EVA1A: variants seen among roughly 807,000 people sequenced by gnomAD.
EVA1A encodes the protein eva-1 homolog A, regulator of programmed cell death.
A neutral mutation model predicts 9.8 loss-of-function variants in EVA1A; 7 were observed. The ratio of observed to expected loss-of-function variants is 0.71; its 90% CI spans 0.41 to 1.34. The LOEUF is 1.34. Ranked by LOEUF, EVA1A falls within the 40% of genes most tolerant of loss-of-function variation. The pLI, the probability that EVA1A is intolerant of heterozygous loss-of-function variation, is 0.01. For synonymous variants in EVA1A, 90 were observed against 85.6 expected (o/e 1.05, Z -0.28); for missense variants, 206 against 205.9 (o/e 1.00, Z 0.00).
At chr2:75,497,012 T>A (rs1655611334) in intron 3 of EVA1A, among the ~76,000 whole-genome samples, 1 of 152,170 alleles carries the variant, frequency 6.6e-6, no homozygotes, top group African/African-American at 2.4e-5. Context: ...GGACTCCTTC[T>A]TTTTACCTTA....
intron 1 of EVA1A, among the ~76,000 whole-genome samples, chr2:75,553,627 A>G (rs951738625): frequency 2.0e-5 from 3 of 152,174 alleles, no homozygotes; most frequent in African/African-American, 4.8e-5. Context: ...TGTCTCTGTG[A>G]GCACATTAGC....
At chr2:75,535,007 C>G (rs1271249703) in intron 1 of EVA1A, among the ~76,000 whole-genome samples, 2 of 152,006 alleles carry the variant, frequency 1.3e-5, no homozygotes, top group Non-Finnish European at 2.9e-5. Flanking sequence ...AATAGGGTAT[C>G]CTTTCCCTAG....
At chr2:75,505,727 T>G (rs1337354382) in intron 3 of EVA1A, among the ~76,000 whole-genome samples, 3 of 151,418 alleles carry the variant, frequency 2.0e-5, no homozygotes, top group East Asian at 1.9e-4. Flanking sequence ...GGCAGAAGAG[T>G]CACTTGAACC....
intron 1 of EVA1A, among the ~76,000 whole-genome samples, chr2:75,544,125 C>T (rs746792978): frequency 1.2e-4 from 18 of 152,170 alleles, no homozygotes; most frequent in Non-Finnish European, 2.5e-4. Flanking sequence ...TATGTTTGAA[C>T]ACATGTAGAT....
At chr2:75,538,965 C>G (rs1011789093) in intron 1 of EVA1A, among the ~76,000 whole-genome samples, 1 of 152,150 alleles carries the variant, frequency 6.6e-6, no homozygotes, top group Non-Finnish European at 1.5e-5. Context: ...TATTGTAGCA[C>G]AGTTTTGCAC....
At chr2:75,541,508 G>A (rs1676117324) in intron 1 of EVA1A, among the ~76,000 whole-genome samples, 1 of 152,170 alleles carries the variant, frequency 6.6e-6, no homozygotes, top group Non-Finnish European at 1.5e-5. Context: ...CATGGGGTCA[G>A]GGAGACCTGC....
At chr2:75,533,681 A>T (rs1675762042) in intron 1 of EVA1A, among the ~76,000 whole-genome samples, 1 of 152,064 alleles carries the variant, frequency 6.6e-6, no homozygotes, top group Admixed American at 6.6e-5. Flanking sequence ...TCACACCTGT[A>T]ATCCCAGCGA....
intron 1 of EVA1A, among the ~76,000 whole-genome samples, chr2:75,525,457 T>C (rs572413593): frequency 1.3e-5 from 2 of 152,332 alleles, no homozygotes; most frequent in East Asian, 1.9e-4. Context: ...CAAAGCATTG[T>C]TGGTAAGGTG....
At position 75,517,860 on chromosome 2, in the gene EVA1A, A is replaced by G. The variant is rs565595354; in HGVS notation, c.85+196T>C. 2.8e-4 allele frequency: 214 copies of G among 751,528 alleles called. 4 individuals are homozygous for G. In the South Asian group the frequency reaches 3.0e-3, roughly 10 times the overall value. 46.6% of individuals were successfully genotyped at this position (751,528 alleles called of 1,614,324 possible). ...CAAGACAAAGCTCTTAGAACCCTTC[A>G]TTTTTCAAATTAGAGAATGACAAGC... is the stretch of plus-strand genomic sequence containing the variant. On this transcript the variant is annotated intron_variant, in intron 3 of 3. Transcript: ENST00000393913.
chr2:75,554,953 G>C (rs1391352609), intron 1 of EVA1A, among the ~76,000 whole-genome samples: 2 of 152,174 alleles, frequency 1.3e-5, no homozygotes, highest in Non-Finnish European at 2.9e-5. Context: ...TTCAGACCAT[G>C]AGCATCTTGA....
At chr2:75,529,621 A>T (rs544233068) in intron 1 of EVA1A, among the ~76,000 whole-genome samples, 1 of 152,332 alleles carries the variant, frequency 6.6e-6, no homozygotes, top group East Asian at 1.9e-4. Context: ...AAATATATGG[A>T]AATTAAGTAA....
At chr2:75,528,600 C>A (rs765277685) in intron 1 of EVA1A, among the ~76,000 whole-genome samples, 2 of 152,292 alleles carry the variant, frequency 1.3e-5, no homozygotes, top group East Asian at 1.9e-4. Context: ...CCCGTCCCCC[C>A]AGGTGGTCTC....
chr2:75,494,316 G>A (rs1235258906), intron 3 of EVA1A, among the ~76,000 whole-genome samples: 3 of 152,162 alleles, frequency 2.0e-5, no homozygotes, highest in Admixed American at 6.5e-5. Flanking sequence ...ATGCATGCAC[G>A]GACTGGGGTA....
chr2:75,500,802 C>T (rs146244616), intron 3 of EVA1A, among the ~76,000 whole-genome samples: 3 of 151,456 alleles, frequency 2.0e-5, no homozygotes, highest in East Asian at 3.9e-4. Context: ...TGCCCAATGC[C>T]CAGAGTCATT....
intron 1 of EVA1A, among the ~76,000 whole-genome samples, chr2:75,568,567 A>G (rs940989967): frequency 3.9e-5 from 6 of 152,120 alleles, no homozygotes; most frequent in Admixed American, 6.6e-5. Context: ...TCACCCGGGC[A>G]GTATACGCTG....
intron 3 of EVA1A, among the ~76,000 whole-genome samples, chr2:75,497,329 T>G (rs967772712): frequency 6.6e-6 from 1 of 152,044 alleles, no homozygotes; most frequent in African/African-American, 2.4e-5. Flanking sequence ...TTAAAAAAAT[T>G]GAGTAAGCAA....
chr2:75,553,277 C>G (rs1676587967), intron 1 of EVA1A, among the ~76,000 whole-genome samples: 1 of 152,348 alleles, frequency 6.6e-6, no homozygotes, highest in Admixed American at 6.5e-5. Flanking sequence ...GTGCACATAG[C>G]ACCCTGTGAT....
At chr2:75,551,160 C>T (rs6732989) in intron 1 of EVA1A, among the ~76,000 whole-genome samples, 133,156 of 152,158 alleles carry the variant, frequency 0.88, 58,537 homozygotes, top group African/African-American at 0.96. Context: ...CCAAAAAAAA[C>T]GTGCTGGTCT....
chr2:75,541,137 T>TATCCC (rs1398224128), intron 1 of EVA1A, among the ~76,000 whole-genome samples: 1 of 152,214 alleles, frequency 6.6e-6, no homozygotes, highest in Non-Finnish European at 1.5e-5. Flanking sequence ...GGCATGGGGA[T>TATCCC]GGACTGGGCC....
Sources: allele counts gnomAD v4.1 joint callset (sites outside exome capture counted in the v4.1 genomes callset), GRCh38; gene constraint gnomAD v4.1.1; transcripts MANE v1.5; gene names NCBI Gene and HGNC (gene_info 2026-07-23, HGNC 2026-07-21).